Variants in CTNNA2 observed in about 807,000 individuals in gnomAD.
CTNNA2 encodes catenin alpha-2.
Under a neutral mutation model 101.0 loss-of-function variants are expected in CTNNA2, and 42 were observed. That is an observed-to-expected ratio of 0.42 (90% CI 0.32 to 0.54). CTNNA2 has a LOEUF of 0.54. Ranked by LOEUF, CTNNA2 falls within the 20% of genes least tolerant of loss-of-function variation. The probability of loss-of-function intolerance (pLI) is 0.14; values close to 1 mark genes in which losing one functional copy is unlikely to be tolerated. For missense variants in CTNNA2, 871 were observed against 1,223.1 expected (o/e 0.71, Z 4.29); for synonymous variants, 450 against 456.4 (o/e 0.99, Z 0.18).
chr2:79,582,823 A>T (rs996418743), intron 1 of CTNNA2, among the ~76,000 whole-genome samples: 1 of 152,104 alleles, frequency 6.6e-6, no homozygotes, highest in African/African-American at 2.4e-5. Context: ...TAACAAATGT[A>T]TGCAATCAAT....
chr2:79,632,026 T>C (rs1446193909), intron 1 of CTNNA2, among the ~76,000 whole-genome samples: 1 of 152,216 alleles, frequency 6.6e-6, no homozygotes, highest in African/African-American at 2.4e-5. Flanking sequence ...AGACTGTGTG[T>C]TTAAGGGTAT....
At chr2:79,343,260 G>A (rs1464847982) in intron 3 of CTNNA2, among the ~76,000 whole-genome samples, 5 of 151,710 alleles carry the variant, frequency 3.3e-5, no homozygotes, top group African/African-American at 1.2e-4. Flanking sequence ...GAAAAATTGG[G>A]TATATATAAA....
chr2:80,602,635 C>A (rs1453881929), intron 15 of CTNNA2, among the ~76,000 whole-genome samples: 2 of 151,922 alleles, frequency 1.3e-5, no homozygotes, highest in Non-Finnish European at 2.9e-5. Flanking sequence ...AAAATAAAAA[C>A]CATTTATTTT....
chr2:79,272,305 A>G (rs1042896107), intron 2 of CTNNA2, among the ~76,000 whole-genome samples: 1 of 152,048 alleles, frequency 6.6e-6, no homozygotes, highest in African/African-American at 2.4e-5. Flanking sequence ...AAAATTCTTG[A>G]TGATTCCCTG....
Position 79,214,843 on chromosome 2 carries a change from T to C in CTNNA2, c.-406+16767T>C, listed in dbSNP as rs113419482. Among the ~76,000 whole-genome samples, 813 of 152,012 alleles carry C rather than the reference T, an allele frequency of 5.3e-3. 9 individuals are homozygous for C. Among genetic ancestry groups the C allele is most frequent in the African/African-American group, 0.019 (782 of 41,472 alleles). ...TAAAAAAGAGTGCATAAAAGTATTG[T>C]CTAAGTTGGCACCAGAGTTGGGGAG... On this transcript the variant is annotated intron_variant, in intron 2 of 21. Coordinates refer to the CTNNA2 transcript ENST00000466387.
chr2:79,412,060 C>A (rs1051449323), intron 4 of CTNNA2, among the ~76,000 whole-genome samples: 1 of 151,762 alleles, frequency 6.6e-6, no homozygotes, highest in Admixed American at 6.6e-5. Flanking sequence ...ATCTACCAAG[C>A]AAATGGAAAA....
chr2:79,469,026 G>A (rs1038808410), intron 4 of CTNNA2, among the ~76,000 whole-genome samples: 4 of 152,206 alleles, frequency 2.6e-5, no homozygotes, highest in African/African-American at 7.2e-5. Context: ...AAATAACTAA[G>A]ATCAGAGCAG....
intron 2 of CTNNA2, among the ~76,000 whole-genome samples, chr2:79,670,667 TA>T (rs1354428553): frequency 1.3e-5 from 2 of 152,236 alleles, no homozygotes; most frequent in African/African-American, 4.8e-5. Flanking sequence ...TTTAATTTTT[TA>T]AAAACCTAAT....
intron 7 of CTNNA2, among the ~76,000 whole-genome samples, chr2:79,947,173 G>T (rs1347324083): frequency 6.6e-6 from 1 of 152,076 alleles, no homozygotes; most frequent in Non-Finnish European, 1.5e-5. Flanking sequence ...AAAATAAATT[G>T]CAATAATTCA....
At position 79,580,369 on chromosome 2, in the gene CTNNA2, G is replaced by A. The variant is rs532845022; in HGVS notation, c.-6+67162G>A. 1.2e-4 allele frequency among the ~76,000 whole-genome samples: 19 copies of A among 152,294 alleles called. No individual in the cohort carries two copies. The East Asian group carries it at 3.7e-3, about 29-fold the overall frequency. On this transcript the variant is annotated intron_variant, in intron 1 of 18. Coordinates refer to ENST00000402739, the MANE Select transcript of CTNNA2 (RefSeq NM_001282597.3). ...GGAAAAGGGCTGTGCGCCAAAGAAT[G>A]CAGTGGTGGAAGCCGGAATGACTCT... is the stretch of plus-strand genomic sequence containing the variant.
chr2:80,345,220 C>T (rs1672627811), intron 7 of CTNNA2, among the ~76,000 whole-genome samples: 2 of 152,216 alleles, frequency 1.3e-5, no homozygotes, highest in South Asian at 2.1e-4. Context: ...TCCCCCTTAT[C>T]TCACAGATGT....
At chr2:80,604,548 G>T (rs1194625773) in intron 16 of CTNNA2, among the ~76,000 whole-genome samples, 1 of 151,930 alleles carries the variant, frequency 6.6e-6, no homozygotes, top group African/African-American at 2.4e-5. Flanking sequence ...TAGGCTCTTG[G>T]TTTAAATATA....
intron 12 of CTNNA2, among the ~76,000 whole-genome samples, chr2:80,559,069 A>C (rs1307999316): frequency 6.6e-6 from 1 of 152,148 alleles, no homozygotes; most frequent in Non-Finnish European, 1.5e-5. Context: ...AGTTGTAACC[A>C]CCAAGATGTC....
chr2:80,045,828 T>C (rs772765783), intron 7 of CTNNA2, among the ~76,000 whole-genome samples: 20 of 152,216 alleles, frequency 1.3e-4, no homozygotes, highest in Non-Finnish European at 2.5e-4. Flanking sequence ...ATGTGCATTG[T>C]CAATCTTTGG....
chr2:79,670,532 C>G (rs544233317), intron 2 of CTNNA2, among the ~76,000 whole-genome samples: 1 of 152,208 alleles, frequency 6.6e-6, no homozygotes, highest in East Asian at 1.9e-4. Flanking sequence ...GCAGCCACTG[C>G]CATTATTAAC....
intron 7 of CTNNA2, among the ~76,000 whole-genome samples, chr2:80,176,014 G>A (rs369395276): frequency 1.3e-5 from 2 of 152,238 alleles, no homozygotes; most frequent in South Asian, 2.1e-4. Context: ...CCAGATTGAG[G>A]GTGGGTCTGC....
intron 2 of CTNNA2, among the ~76,000 whole-genome samples, chr2:79,289,235 T>C (rs575667756): frequency 6.6e-6 from 1 of 152,338 alleles, no homozygotes; most frequent in South Asian, 2.1e-4. Context: ...AAGAGGATGA[T>C]ATCTGACAGA....
At chr2:80,242,399 CAG>C (rs761269894) in intron 7 of CTNNA2, among the ~76,000 whole-genome samples, 9 of 152,200 alleles carry the variant, frequency 5.9e-5, no homozygotes, top group Middle Eastern at 3.2e-3. Context: ...ACACAGCACT[CAG>C]GGCTTAAATA....
intron 9 of CTNNA2, among the ~76,000 whole-genome samples, chr2:80,432,198 TTTTCC>T (rs1410654673): frequency 4.6e-5 from 7 of 152,274 alleles, no homozygotes; most frequent in African/African-American, 1.7e-4. Context: ...TAGCACATCC[TTTTCC>T]AGTCTCCAGA....
Sources: gnomAD v4.1 joint callset for allele counts (sites outside exome capture counted in the v4.1 genomes callset) on GRCh38, gnomAD v4.1.1 for gene constraint, MANE v1.5 for transcripts, NCBI Gene and HGNC (gene_info 2026-07-23, HGNC 2026-07-21) for gene names.